The following ARNT2 variants were observed in gnomAD, a reference collection of about 807,000 sequenced individuals.
ARNT2 encodes the protein aryl hydrocarbon receptor nuclear translocator 2, also known as ARNT protein 2.
Under a neutral mutation model 91.7 loss-of-function variants are expected in ARNT2, and 36 were observed. The observed-to-expected ratio is 0.39, with a 90% CI of 0.30 to 0.52. ARNT2 has a LOEUF of 0.52. ARNT2 is among the 20% of genes least tolerant of loss of function. The pLI, the probability that ARNT2 is intolerant of heterozygous loss-of-function variation, is 0.72. For synonymous variants in ARNT2, 365 were observed against 347.1 expected (o/e 1.05, Z -0.57); for missense variants, 775 against 939.3 (o/e 0.83, Z 2.29).
rs553806452 is a variant in ARNT2, at chr15:80,574,250, G to A, written c.1389+30G>A. The A allele has an allele frequency of 1.4e-5, 22 of 1,603,864 alleles. No individual in the cohort carries two copies. In the East Asian group the frequency reaches 4.7e-4, roughly 34 times the overall value. On this transcript the variant is annotated intron_variant, in intron 13 of 18. Transcript: ENST00000303329. ...GTTTCTGGAAAACCCTTTCCCTGTT[G>A]GAATTGTCTCCAGCCCAATGGACTT...
At chr15:80,523,527 T>C (rs1336769490) in intron 8 of ARNT2, among the ~76,000 whole-genome samples, 2 of 152,174 alleles carry the variant, frequency 1.3e-5, no homozygotes, top group Non-Finnish European at 1.5e-5. Flanking sequence ...AAGGTGACCA[T>C]CTCATTCTTC....
chr15:80,534,159 A>G (rs1897784158), intron 8 of ARNT2, among the ~76,000 whole-genome samples: 1 of 152,222 alleles, frequency 6.6e-6, no homozygotes, highest in Non-Finnish European at 1.5e-5. Context: ...CAGGCATGTT[A>G]TCTCTCAATT....
At chr15:80,415,007 C>G (rs1895757530) in intron 1 of ARNT2, among the ~76,000 whole-genome samples, 1 of 152,174 alleles carries the variant, frequency 6.6e-6, no homozygotes, top group African/African-American at 2.4e-5. Flanking sequence ...ACTGACCAAC[C>G]ATTGGTGAAC....
At chr15:80,571,654 G>A (rs751374732) in intron 12 of ARNT2, among the ~76,000 whole-genome samples, 126 of 152,288 alleles carry the variant, frequency 8.3e-4, no homozygotes, top group Middle Eastern at 3.4e-3. Context: ...TGCTCACCAC[G>A]GCTCTCACAG....
At chr15:80,439,224 G>A (rs16972123) in intron 1 of ARNT2, among the ~76,000 whole-genome samples, 2,501 of 152,076 alleles carry the variant, frequency 0.016, 85 homozygotes, top group East Asian at 0.11. Context: ...GTGAACATGC[G>A]GACTTGAGCA....
chr15:80,573,980 G>T (rs1898625439), intron 12 of ARNT2, 168 bp from the exon 13 acceptor site: 2 of 597,298 alleles, frequency 3.3e-6, no homozygotes, highest in Non-Finnish European at 5.9e-6. Flanking sequence ...GCAATGTCTG[G>T]AGTCTTGATT....
At chr15:80,453,470 C>T (rs1196983282) in intron 2 of ARNT2, among the ~76,000 whole-genome samples, 1 of 152,218 alleles carries the variant, frequency 6.6e-6, no homozygotes, top group Admixed American at 6.5e-5. Context: ...TCCATTTTTA[C>T]AGGGCCGTTT....
At chr15:80,577,550 G>A (rs1228934221) in intron 15 of ARNT2, among the ~76,000 whole-genome samples, 1 of 152,210 alleles carries the variant, frequency 6.6e-6, no homozygotes, top group African/African-American at 2.4e-5. Flanking sequence ...TGGGAAGAAC[G>A]GTCAGAGAAG....
chr15:80,405,990 T>C (rs1001140114), intron 1 of ARNT2, among the ~76,000 whole-genome samples: 15 of 152,164 alleles, frequency 9.9e-5, no homozygotes, highest in Non-Finnish European at 2.1e-4. Flanking sequence ...GTCAGCTATG[T>C]CTAGGAAACA....
chr15:80,431,257 C>T (rs1896005228), intron 1 of ARNT2, among the ~76,000 whole-genome samples: 1 of 152,188 alleles, frequency 6.6e-6, no homozygotes, highest in Admixed American at 6.5e-5. Flanking sequence ...TTCTCGAGGG[C>T]CTGGTGCTCT....
In ARNT2 at chr15:80,418,534, T is replaced by TG. The variant is rs371076901; in HGVS notation, c.31+13989dup. On this transcript the variant is annotated intron_variant, in intron 1 of 18. Coordinates refer to ENST00000303329, the MANE Select transcript of ARNT2 (RefSeq NM_014862.4). ...CCCTAATCACCCACTCCTCCTTCCTTGTCCTCACTGACAGAGTGGGGTAAG... is the reference window on the plus strand; with the variant it reads ...CCCTAATCACCCACTCCTCCTTCCTTGGTCCTCACTGACAGAGTGGGGTAAG... Among the ~76,000 whole-genome samples, 1,380 of 152,334 alleles carry TG rather than the reference T, an allele frequency of 9.1e-3. 26 individuals are homozygous for TG. The highest frequency in any genetic ancestry group is 0.031 in the African/African-American group (1,303 of 41,568).
At chr15:80,434,647 G>T (rs73491024) in intron 1 of ARNT2, 5,209 of 152,832 alleles carry the variant, frequency 0.034, 277 homozygotes, top group African/African-American at 0.12. Context: ...GAGAGCAAGG[G>T]ATGCAGTGAG....
In ARNT2 at chr15:80,433,546, G is replaced by A. The variant is rs138712224; in HGVS notation, c.32-17334G>A. On this transcript the variant is annotated intron_variant, in intron 1 of 18. Coordinates refer to ENST00000303329, the MANE Select transcript of ARNT2 (RefSeq NM_014862.4). ...AGTGATCCACCCACCACCTCCCCCC[G>A]CCTCGGCCTCCCAAAGTGCTGGAAT... Among the ~76,000 whole-genome samples the A allele has an allele frequency of 2.2e-3, 338 of 151,718 alleles. 2 individuals are homozygous for A. The highest frequency in any genetic ancestry group is 0.017 in the Middle Eastern group (5 of 294).
chr15:80,481,510 G>C lies in ARNT2; in HGVS notation c.622+6287G>C, dbSNP rs570284931. Among the ~76,000 whole-genome samples, 4 of 152,220 alleles carry C rather than the reference G, an allele frequency of 2.6e-5. No individual in the cohort carries two copies. The East Asian group carries it at 7.7e-4, about 29-fold the overall frequency. ...GGACTGCTTGTGTCCAGGATTTTGA[G>C]ACCAGCCGGAGTATCATAGCAAGAC... On this transcript the variant is annotated intron_variant, in intron 5 of 18. Coordinates refer to ENST00000303329, the MANE Select transcript of ARNT2 (RefSeq NM_014862.4).
intron 5 of ARNT2, among the ~76,000 whole-genome samples, chr15:80,503,881 A>G (rs1352518839): frequency 6.6e-6 from 1 of 152,194 alleles, no homozygotes; most frequent in African/African-American, 2.4e-5. Flanking sequence ...GTCTTTGTAG[A>G]GCGCCATGCA....
chr15:80,443,938 T>C (rs1369403867), intron 1 of ARNT2, among the ~76,000 whole-genome samples: 1 of 152,236 alleles, frequency 6.6e-6, no homozygotes, highest in East Asian at 1.9e-4. Flanking sequence ...CGGATTACTT[T>C]TCCTTGTGTA....
intron 4 of ARNT2, 39 bp downstream of exon 4, chr15:80,470,470 A>T (rs764167107): frequency 1.3e-6 from 2 of 1,598,350 alleles, no homozygotes; most frequent in Non-Finnish European, 1.7e-6. Context: ...AAGCGGGGGG[A>T]ATCCCAGCGT....
At chr15:80,495,817 A>T (rs1465646003) in intron 5 of ARNT2, among the ~76,000 whole-genome samples, 1 of 151,924 alleles carries the variant, frequency 6.6e-6, no homozygotes, top group Non-Finnish European at 1.5e-5. Flanking sequence ...CTTTCCCCAC[A>T]CCTTGCTCTG....
chr15:80,457,842 T>C, intron 2 of ARNT2, 87 bp from the exon 3 acceptor site: 1 of 1,439,334 alleles, frequency 6.9e-7, no homozygotes, highest in Non-Finnish European at 9.7e-7. Flanking sequence ...TCCTAGTGAA[T>C]AAAGCTCCTT....
Sources: gnomAD v4.1 joint callset for allele counts (sites outside exome capture counted in the v4.1 genomes callset) on GRCh38, gnomAD v4.1.1 for gene constraint, MANE v1.5 for transcripts, NCBI Gene and HGNC (gene_info 2026-07-23, HGNC 2026-07-21) for gene names.